EIF4B: variants seen among roughly 807,000 people sequenced by gnomAD.
The protein encoded by EIF4B is eukaryotic translation initiation factor 4B.
Under a neutral mutation model 79.3 loss-of-function variants are expected in EIF4B, and 8 were observed. That is an observed-to-expected ratio of 0.10 (90% CI 0.06 to 0.18). The LOEUF is 0.18. EIF4B is among the 10% of genes least tolerant of loss of function. The probability of loss-of-function intolerance (pLI) is 1.00; values close to 1 mark genes in which losing one functional copy is unlikely to be tolerated. For synonymous variants in EIF4B, 238 were observed against 274.7 expected (o/e 0.87, Z 1.32); for missense variants, 515 against 792.4 (o/e 0.65, Z 4.20).
intron 6 of EIF4B, among the ~76,000 whole-genome samples, chr12:53,026,119 A>G (rs191074049): frequency 5.9e-5 from 9 of 152,170 alleles, no homozygotes. Context: ...AGAGAAAGAA[A>G]AAGATCCCTG....
Position 53,027,136 on chromosome 12 carries a change from A to ATTTTTTT in EIF4B, c.668-646_668-645insTTTTTTT, listed in dbSNP as rs777111413. 3.4e-4 allele frequency among the ~76,000 whole-genome samples: 10 copies of ATTTTTTT among 29,494 alleles called. 1 individual carries two copies. Among genetic ancestry groups the ATTTTTTT allele is most frequent in the Admixed American group, 7.8e-4 (1 of 1,280 alleles). The allele number at this position is 29,494 out of a possible 152,430, so 19.3% of individuals were successfully genotyped here. A position where few individuals can be genotyped will look rare whatever the true frequency, so the allele number is the denominator to read the frequency against. ...GAGACTGTCTCTCAAAAAAAAAAAA[A>ATTTTTTT]ATTTTTTTTTTTTTTTTTTTTGAGA... On this transcript the variant is annotated intron_variant, in intron 6 of 14. Coordinates refer to ENST00000262056, the MANE Select transcript of EIF4B (RefSeq NM_001417.7).
intron 1 of EIF4B, among the ~76,000 whole-genome samples, chr12:53,014,196 C>G (rs191564102): frequency 3.4e-4 from 51 of 151,530 alleles, no homozygotes; most frequent in African/African-American, 1.2e-3. Flanking sequence ...CTTTGGGAGG[C>G]TAATCACGAG....
intron 8 of EIF4B, among the ~76,000 whole-genome samples, chr12:53,032,401 C>G (rs11170382): frequency 0.8 from 121,617 of 152,080 alleles, 50,921 homozygotes; most frequent in Non-Finnish European, 0.93. Context: ...CCACTGCCCT[C>G]CAGCCTGGGT....
At chr12:53,028,350 G>A (rs1163464582) in intron 8 of EIF4B, among the ~76,000 whole-genome samples, 162 bp downstream of exon 8, 6 of 152,130 alleles carry the variant, frequency 3.9e-5, no homozygotes. Flanking sequence ...GCCAGGTGTG[G>A]GCAGATCACA....
chr12:53,027,072 T>C (rs897926969), intron 6 of EIF4B, among the ~76,000 whole-genome samples: 1 of 145,996 alleles, frequency 6.8e-6, no homozygotes, highest in African/African-American at 2.5e-5. Context: ...GGAGGATTGC[T>C]TAAGCCCGGG....
chr12:53,035,259 C>T (rs1205124696), intron 10 of EIF4B, among the ~76,000 whole-genome samples: 1 of 152,042 alleles, frequency 6.6e-6, no homozygotes, highest in Non-Finnish European at 1.5e-5. Flanking sequence ...GGCTGGAGTG[C>T]AGTGGCATGA....
At chr12:53,024,802 C>G (rs1202078107) in intron 6 of EIF4B, among the ~76,000 whole-genome samples, 1 of 152,008 alleles carries the variant, frequency 6.6e-6, no homozygotes, top group African/African-American at 2.4e-5. Flanking sequence ...ATTACAGATG[C>G]GCACCACCAC....
chr12:53,007,070 G>T (rs575694765), intron 1 of EIF4B, among the ~76,000 whole-genome samples: 4 of 152,198 alleles, frequency 2.6e-5, no homozygotes, highest in Non-Finnish European at 4.4e-5. Context: ...CAATGCGTGC[G>T]CTAGAACCCA....
intron 14 of EIF4B, 48 bp from the exon 15 acceptor site, chr12:53,040,095 G>A (rs781682148): frequency 1.0e-5 from 16 of 1,600,410 alleles, no homozygotes; most frequent in Non-Finnish European, 1.3e-5. Flanking sequence ...GGGTTTTGAT[G>A]TGATAATTCA....
chr12:53,031,777 TATAAAATCAAG>T (rs1943451444), intron 8 of EIF4B, among the ~76,000 whole-genome samples: 1 of 152,168 alleles, frequency 6.6e-6, no homozygotes, highest in South Asian at 2.1e-4. Context: ...GTAGTAAAAG[TATAAAATCAAG>T]TGTGGGCATG....
At chr12:53,020,739 C>T (rs1272108497) in intron 4 of EIF4B, among the ~76,000 whole-genome samples, 1 of 152,032 alleles carries the variant, frequency 6.6e-6, no homozygotes, top group East Asian at 1.9e-4. Flanking sequence ...GTTTTGCTGC[C>T]TCATAATTGA....
intron 8 of EIF4B, among the ~76,000 whole-genome samples, chr12:53,029,181 A>G (rs1943391541): frequency 6.6e-6 from 1 of 152,044 alleles, no homozygotes; most frequent in Non-Finnish European, 1.5e-5. Context: ...TTCATTAATT[A>G]TAAAGGTGAG....
chr12:53,027,123 CAAA>C (rs1001491962), intron 6 of EIF4B, among the ~76,000 whole-genome samples: 6 of 80,486 alleles, frequency 7.5e-5, no homozygotes, highest in African/African-American at 1.3e-4. Flanking sequence ...GACTGTCTCT[CAAA>C]AAAAAAAAAA....
chr12:53,029,943 C>A (rs1258401417), intron 8 of EIF4B, among the ~76,000 whole-genome samples: 1 of 151,854 alleles, frequency 6.6e-6, no homozygotes, highest in Non-Finnish European at 1.5e-5. Flanking sequence ...AAACTTAGGC[C>A]AGCCATGGTG....
At chr12:53,010,261 G>A (rs895832569) in intron 1 of EIF4B, among the ~76,000 whole-genome samples, 20 of 152,194 alleles carry the variant, frequency 1.3e-4, no homozygotes, top group African/African-American at 4.8e-4. Context: ...GAACCCGTAC[G>A]GGGGTCAAGA....
chr12:53,014,610 A>G (rs1170736812), intron 1 of EIF4B: 1 of 152,226 alleles, frequency 6.6e-6, no homozygotes, highest in African/African-American at 2.4e-5. Flanking sequence ...AATTGTGTCC[A>G]GAAGGCTATG....
intron 3 of EIF4B, among the ~76,000 whole-genome samples, chr12:53,019,440 T>TTTTTTTA: frequency 8.4e-6 from 1 of 118,714 alleles, no homozygotes; most frequent in Admixed American, 9.6e-5. Context: ...TATATATATT[T>TTTTTTTA]TTTTTTTTTC....
At chr12:53,007,872 A>G (rs1480783454) in intron 1 of EIF4B, among the ~76,000 whole-genome samples, 2 of 152,218 alleles carry the variant, frequency 1.3e-5, no homozygotes, top group Non-Finnish European at 2.9e-5. Context: ...ATCCTGAGGT[A>G]CTGCAGAGAG....
chr12:53,030,789 T>C (rs1211617867), intron 8 of EIF4B, among the ~76,000 whole-genome samples: 1 of 152,188 alleles, frequency 6.6e-6, no homozygotes, highest in Non-Finnish European at 1.5e-5. Flanking sequence ...CCATTTACTC[T>C]GTTCCATCAG....
Sources: gnomAD v4.1 joint callset for allele counts (sites outside exome capture counted in the v4.1 genomes callset) on GRCh38, gnomAD v4.1.1 for gene constraint, MANE v1.5 for transcripts, NCBI Gene and HGNC (gene_info 2026-07-23, HGNC 2026-07-21) for gene names.